SCFD1: variants seen among roughly 807,000 people sequenced by gnomAD.
The protein encoded by SCFD1 is sec1 family domain containing 1, also known as sec1 family domain-containing protein 1.
A neutral mutation model predicts 103.2 loss-of-function variants in SCFD1; 37 were observed. The ratio of observed to expected loss-of-function variants is 0.36; its 90% confidence interval spans 0.28 to 0.47. SCFD1 has a LOEUF of 0.47. Ranked by LOEUF, SCFD1 falls within the 20% of genes least tolerant of loss-of-function variation. SCFD1 has a pLI of 1.00. For synonymous variants in SCFD1, 264 were observed against 245.0 expected (o/e 1.08, Z -0.73); for missense variants, 639 against 761.2 (o/e 0.84, Z 1.89).
intron 1 of SCFD1, among the ~76,000 whole-genome samples, chr14:30,625,172 A>C (rs1883256263): frequency 6.6e-6 from 1 of 152,106 alleles, no homozygotes; most frequent in African/African-American, 2.4e-5. Flanking sequence ...CAGTTGCTAG[A>C]TCCCCAATAA....
At chr14:30,692,599 TA>T (rs1279844431) in intron 14 of SCFD1, among the ~76,000 whole-genome samples, 2 of 152,202 alleles carry the variant, frequency 1.3e-5, no homozygotes, top group Non-Finnish European at 2.9e-5. Context: ...ACTAGAGAAT[TA>T]AAAGCAAACA....
At chr14:30,701,370 C>T (rs1891065699) in intron 16 of SCFD1, among the ~76,000 whole-genome samples, 1 of 152,112 alleles carries the variant, frequency 6.6e-6, no homozygotes. Flanking sequence ...GCCTGGCCAA[C>T]ATGGTGAAAC....
chr14:30,643,999 C>A, intron 7 of SCFD1: 1 of 456,394 alleles, frequency 2.2e-6, no homozygotes, highest in South Asian at 1.5e-5. Flanking sequence ...AGTTTTTTGA[C>A]CCTCATCCTC....
intron 14 of SCFD1, among the ~76,000 whole-genome samples, chr14:30,678,920 T>C (rs1287442000): frequency 6.6e-6 from 1 of 152,242 alleles, no homozygotes; most frequent in Non-Finnish European, 1.5e-5. Flanking sequence ...AAAGACATCA[T>C]CTGATTAGGT....
chr14:30,729,566 C>G (rs1893294668), intron 23 of SCFD1, among the ~76,000 whole-genome samples: 1 of 152,116 alleles, frequency 6.6e-6, no homozygotes, highest in Non-Finnish European at 1.5e-5. Flanking sequence ...TTTCTTGCAC[C>G]AGTATTACAC....
chr14:30,698,721 A>C (rs1332288433), intron 15 of SCFD1, among the ~76,000 whole-genome samples: 7 of 152,166 alleles, frequency 4.6e-5, no homozygotes. Flanking sequence ...CCAAAGCCAA[A>C]GCTTTCTAGC....
rs146871134 is a variant in SCFD1, at chr14:30,712,159, C to T, written c.1630-3765C>T. On this transcript the variant is annotated intron_variant, in intron 19 of 24. Coordinates refer to ENST00000458591, the MANE Select transcript of SCFD1 (RefSeq NM_016106.4). ...ACTTTCCACCCTTCTATCATTGATA[C>T]ATCTCTCATCTCCAGTGTTTCCAGT... Among the ~76,000 whole-genome samples, 57 of 152,222 alleles carry T rather than the reference C, an allele frequency of 3.7e-4. 2 individuals carry two copies. In the East Asian group the frequency reaches 6.6e-3, roughly 18 times the overall value.
intron 10 of SCFD1, among the ~76,000 whole-genome samples, chr14:30,660,036 A>T (rs184281072): frequency 6.6e-6 from 1 of 152,204 alleles, no homozygotes; most frequent in Non-Finnish European, 1.5e-5. Flanking sequence ...AACAAAATTA[A>T]TGATAATTTC....
At chr14:30,660,555 A>G (rs539716545) in intron 10 of SCFD1, among the ~76,000 whole-genome samples, 1 of 152,224 alleles carries the variant, frequency 6.6e-6, no homozygotes, top group South Asian at 2.1e-4. Context: ...TTAATTACTG[A>G]TGGCAAATGG....
chr14:30,629,016 A>T (rs1295536803), intron 2 of SCFD1, among the ~76,000 whole-genome samples: 1 of 152,214 alleles, frequency 6.6e-6, no homozygotes, highest in African/African-American at 2.4e-5. Context: ...TTTAAGCTCC[A>T]GAGTATTCCC....
intron 23 of SCFD1, among the ~76,000 whole-genome samples, chr14:30,734,029 T>G (rs1190585289): frequency 2.0e-5 from 3 of 152,186 alleles, no homozygotes; most frequent in African/African-American, 7.2e-5. Context: ...GTGGCTTTTG[T>G]TTTATTTATT....
intron 19 of SCFD1, among the ~76,000 whole-genome samples, chr14:30,711,433 G>T (rs1441613127): frequency 6.6e-6 from 1 of 152,134 alleles, no homozygotes; most frequent in Non-Finnish European, 1.5e-5. Context: ...CATGGCAAAA[G>T]TCCATCTATC....
At chr14:30,722,306 CTCT>C (rs1216429172) in intron 22 of SCFD1, among the ~76,000 whole-genome samples, 185 bp from the exon 23 acceptor site, 2 of 151,994 alleles carry the variant, frequency 1.3e-5, no homozygotes, top group Non-Finnish European at 2.9e-5. Flanking sequence ...TCTGAAAAAT[CTCT>C]TCTTCATACT....
intron 2 of SCFD1, among the ~76,000 whole-genome samples, chr14:30,629,609 C>T (rs1366011131): frequency 3.6e-5 from 5 of 140,644 alleles, no homozygotes; most frequent in African/African-American, 5.4e-5. Flanking sequence ...GATGGAATCT[C>T]GCTTTGTCGC....
At chr14:30,732,795 G>A (rs1893566710) in intron 23 of SCFD1, among the ~76,000 whole-genome samples, 1 of 152,174 alleles carries the variant, frequency 6.6e-6, no homozygotes, top group Non-Finnish European at 1.5e-5. Context: ...CAATGTAAAT[G>A]CTATTTGGTA....
At chr14:30,639,924 A>G (rs1016489388) in intron 6 of SCFD1, 60 bp downstream of exon 6, 52 of 1,490,908 alleles carry the variant, frequency 3.5e-5, no homozygotes, top group Non-Finnish European at 4.2e-5. Context: ...ATACTGTAAG[A>G]AAAAAAGTGA....
At chr14:30,677,502 G>T (rs556324876) in intron 14 of SCFD1, among the ~76,000 whole-genome samples, 1 of 151,936 alleles carries the variant, frequency 6.6e-6, no homozygotes, top group African/African-American at 2.4e-5. Flanking sequence ...AAAATCAGAA[G>T]TTTTTTTTAT....
intron 14 of SCFD1, among the ~76,000 whole-genome samples, chr14:30,684,803 C>CTTTTTTTTTT (rs780577178): frequency 9.1e-5 from 5 of 54,870 alleles, no homozygotes; most frequent in South Asian, 6.5e-4. Flanking sequence ...GCAATTGTTT[C>CTTTTTTTTTT]TTTTTTTTTT....
At chr14:30,735,029 T>C (rs1893742007) in intron 24 of SCFD1, 171 bp downstream of exon 24, 1 of 549,508 alleles carries the variant, frequency 1.8e-6, no homozygotes, top group Non-Finnish European at 3.2e-6. Flanking sequence ...CCTTGATAAG[T>C]AATAATGTTT....
Sources: gnomAD v4.1 joint callset for allele counts (sites outside exome capture counted in the v4.1 genomes callset) on GRCh38, gnomAD v4.1.1 for gene constraint, MANE v1.5 for transcripts, NCBI Gene and HGNC (gene_info 2026-07-23, HGNC 2026-07-21) for gene names.